The following NEB variants were observed in gnomAD, a reference collection of about 807,000 sequenced individuals.
NEB encodes the protein nebulin.
NEB carries 512 observed loss-of-function variants against 952.2 expected under a neutral mutation model. That is an observed-to-expected ratio of 0.54 (90% CI 0.50 to 0.58). The LOEUF (loss-of-function observed/expected upper bound fraction) is 0.58, where lower values mean the gene tolerates loss of function less well. Ranked by LOEUF, NEB falls within the 20% of genes least tolerant of loss-of-function variation. The pLI is 0.00. For synonymous variants in NEB, 2,900 were observed against 3,149.8 expected (o/e 0.92, Z 2.66); for missense variants, 8,428 against 9,231.1 (o/e 0.91, Z 3.56).
intron 47 of NEB, 81 bp downstream of exon 47, chr2:151,658,984 T>G: frequency 1.0e-6 from 1 of 988,102 alleles, no homozygotes; most frequent in Non-Finnish European, 1.6e-6. Context: ...CTCTCATAAC[T>G]GAGAGAGATA....
intron 9 of NEB, among the ~76,000 whole-genome samples, chr2:151,722,232 T>G (rs2099776170): frequency 6.6e-6 from 1 of 152,002 alleles, no homozygotes; most frequent in Non-Finnish European, 1.5e-5. Context: ...AAGACTGGAG[T>G]AGCAGTCTGG....
rs947373409 is a variant in NEB at position 151,581,657 on chromosome 2, A to G, written c.16180-70T>C. 4 of 1,499,838 alleles carry G rather than the reference A, an allele frequency of 2.7e-6. No homozygotes were observed. In the African/African-American group the frequency reaches 5.6e-5, roughly 21 times the overall value. The allele number at this position is 1,499,838 out of a possible 1,614,324, so 92.9% of individuals were successfully genotyped here. ...TCAATTACCACATAAATAAAATTATAAAGTCATAAAACATACTTGAATAAA... is the reference window on the plus strand; with the variant it reads ...TCAATTACCACATAAATAAAATTATGAAGTCATAAAACATACTTGAATAAA... On this transcript the variant is annotated intron_variant, in intron 102 of 181. Coordinates refer to ENST00000397345, the MANE Select transcript of NEB (RefSeq NM_001164508.2).
At position 151,706,880 on chromosome 2, in the gene NEB, C is replaced by T. The variant is rs398124167; in HGVS notation, c.1152+1G>A. On this transcript the variant is annotated splice_donor_variant, in intron 13 of 181. Coordinates refer to ENST00000397345, the MANE Select transcript of NEB (RefSeq NM_001164508.2). LOFTEE classifies it high-confidence loss of function. ...AAACACTTTGACAAAAATATACTTA[C>T]GTCACTTAGGGCATCTCCTGCTGCC... 37 of 1,588,348 alleles carry T rather than the reference C, an allele frequency of 2.3e-5. No homozygotes were observed. Among genetic ancestry groups the T allele is most frequent in the East Asian group, 4.5e-5 (2 of 44,638 alleles).
chr2:151,540,259 T>G (rs1358011745), intron 138 of NEB, 85 bp downstream of exon 138: 5 of 805,460 alleles, frequency 6.2e-6, no homozygotes, highest in Non-Finnish European at 9.6e-6. Flanking sequence ...GAACTATGGA[T>G]ATGGCTGAAA....
intron 30 of NEB, among the ~76,000 whole-genome samples, 153 bp downstream of exon 30, chr2:151,680,577 C>T (rs1227130478): frequency 1.3e-5 from 2 of 152,092 alleles, no homozygotes; most frequent in Non-Finnish European, 2.9e-5. Context: ...ATTAGGCATG[C>T]TTTATTAATG....
At chr2:151,536,495 T>C (rs2093228481) in intron 141 of NEB, among the ~76,000 whole-genome samples, 1 of 152,204 alleles carries the variant, frequency 6.6e-6, no homozygotes, top group Admixed American at 6.5e-5. Context: ...ATAATCATAA[T>C]CTTCTAAGAG....
chr2:151,499,345 T>C lies in NEB; in HGVS notation c.24067A>G (p.Thr8023Ala), dbSNP rs1323764871. ...TGTTTGACTCTCTCCATCTCTGGAG[T>C]GATGGGGATTGGAATCCCTTTTCCA... ...NVGKGIPIPITPEMERVKHNQ... is the reference protein window; with the variant it reads ...NVGKGIPIPIAPEMERVKHNQ... Residue 8023 changes from threonine (T) to alanine (A), a missense_variant, in exon 169 of 182, where the codon ACT becomes GCT. Thr to Ala is a moderately conservative substitution (Grantham distance 58). Around this residue, in one of 11 missense-constraint regions of NEB, gnomAD observed 3,374 missense variants for 3,651.5 expected, o/e 0.92. Coordinates refer to ENST00000397345, the MANE Select transcript of NEB (RefSeq NM_001164508.2). 1.4e-5 allele frequency: 22 copies of C among 1,546,310 alleles called. No individual in the cohort carries two copies. Among genetic ancestry groups the C allele is most frequent in the Non-Finnish European group, 1.9e-5 (22 of 1,143,484 alleles).
At chr2:151,698,073 A>G (rs1376666061) in intron 13 of NEB, among the ~76,000 whole-genome samples, 1 of 151,844 alleles carries the variant, frequency 6.6e-6, no homozygotes, top group Non-Finnish European at 1.5e-5. Flanking sequence ...CTCAAAACAA[A>G]ACAAAACAAA....
chr2:151,541,719 T>C (rs549568631), intron 135 of NEB, among the ~76,000 whole-genome samples, 168 bp from the exon 136 acceptor site: 9 of 152,320 alleles, frequency 5.9e-5, no homozygotes, highest in Non-Finnish European at 8.8e-5. Context: ...CACCCTCCTT[T>C]TCTTTTTTCC....
intron 146 of NEB, among the ~76,000 whole-genome samples, chr2:151,527,798 C>G (rs2087292921): frequency 6.6e-6 from 1 of 152,178 alleles, no homozygotes; most frequent in Admixed American, 6.5e-5. Context: ...GAAATAGAGG[C>G]TAAAATTTTT....
chr2:151,508,208 AG>A, intron 161 of NEB, 99 bp from the exon 162 acceptor site: 2 of 707,134 alleles, frequency 2.8e-6, no homozygotes, highest in African/African-American at 1.8e-5. Context: ...GGCTCAGCAG[AG>A]GGAAAGTCCT....
At chr2:151,689,168 A>G (rs1348385690) in intron 24 of NEB, 1 of 151,088 alleles carries the variant, frequency 6.6e-6, no homozygotes, top group African/African-American at 2.4e-5. Context: ...TCTAAATAAA[A>G]TACTAGCACA....
In NEB at chr2:151,692,084, A is replaced by G; in HGVS notation, c.2081T>C (p.Met694Thr). 6.2e-7 allele frequency: 1 copy of G among 1,614,000 alleles called. No individual in the cohort carries two copies. The highest frequency in any genetic ancestry group is 8.5e-7 in the Non-Finnish European group (1 of 1,179,874). ...SMEDPYHTHC[M>T]KVAAQNSDKS... ...ATCACTGTTTTGAGCTGCAACTTTC[A>G]TGCAGTGTGTGTGATATGGGTCCTC... Residue 694 changes from methionine (M) to threonine (T), a missense_variant, in exon 22 of 182, where the codon ATG becomes ACG. Met to Thr is a moderately conservative substitution (Grantham distance 81, BLOSUM62 -1). This residue lies in a region of NEB where 2,851 missense variants were observed against 2,791.5 expected (regional missense o/e 1.02). Transcript: ENST00000397345.
intron 10 of NEB, chr2:151,716,011 C>G (rs775176204): frequency 2.4e-4 from 63 of 261,262 alleles, no homozygotes; most frequent in Non-Finnish European, 3.4e-4. Context: ...TTTAAATAAA[C>G]ATTTAAAAAT....
intron 72 of NEB, 63 bp downstream of exon 72, chr2:151,620,856 T>C: frequency 1.6e-6 from 2 of 1,254,812 alleles, no homozygotes; most frequent in Non-Finnish European, 2.3e-6. Context: ...CAAAGAGACA[T>C]CCAGCTGTAT....
chr2:151,617,487 AAGAGAG>A lies in NEB; in HGVS notation c.11077-25_11077-20del, dbSNP rs369065019. The stretch of plus-strand genomic sequence containing the variant: ...ATAAGCGCTACAAAAAAAAAAAAAA[AAGAGAG>A]AGAGAGAGAGAAAAATTATTTTGGT... On this transcript the variant is annotated intron_variant, in intron 74 of 181. Coordinates refer to ENST00000397345, the MANE Select transcript of NEB (RefSeq NM_001164508.2). 4.8e-6 allele frequency: 5 copies of A among 1,034,730 alleles called. No individual in the cohort carries two copies. The highest frequency in any genetic ancestry group is 5.4e-6 in the Non-Finnish European group (4 of 737,224). 64.1% of individuals were successfully genotyped at this position (1,034,730 alleles called of 1,614,324 possible). A position where few individuals can be genotyped will look rare whatever the true frequency, so the allele number is the denominator to read the frequency against.
chr2:151,516,586 G>A, intron 156 of NEB, 23 bp from the exon 157 acceptor site: 4 of 1,463,812 alleles, frequency 2.7e-6, no homozygotes, highest in Non-Finnish European at 3.8e-6. Flanking sequence ...AGCCATGTTA[G>A]ATATCTCTCC....
In NEB at chr2:151,674,509, C is replaced by A; in HGVS notation, c.3955G>T (p.Ala1319Ser). Residue 1319 changes from alanine to serine, a missense_variant, in exon 36 of 182, where the codon GCA (alanine) becomes TCA (serine). Transcript: ENST00000397345. ...GCAATGTTTCTCGATGCCTTGGCTG[C>A]AGTGATGGGAATAGCATCGCCCAGC... ...NVLGDAIPIT[A>S]AKASRNIASD... 6.2e-7 allele frequency: 1 copy of A among 1,613,988 alleles called. No individual in the cohort carries two copies. The highest frequency in any genetic ancestry group is 8.5e-7 in the Non-Finnish European group (1 of 1,179,850).
intron 67 of NEB, 79 bp downstream of exon 67, chr2:151,630,636 A>G: frequency 1.8e-6 from 2 of 1,142,708 alleles, no homozygotes; most frequent in South Asian, 1.4e-5. Flanking sequence ...GCACCATGAC[A>G]GCTGAGGCCC....
Sources: gnomAD v4.1 joint callset for allele counts (sites outside exome capture counted in the v4.1 genomes callset) on GRCh38, gnomAD v4.1.1 for gene constraint, gnomAD v4.1.1 regional missense constraint, MANE v1.5 for transcripts, NCBI Gene and HGNC (gene_info 2026-07-23, HGNC 2026-07-21) for gene names.